The following ABI3BP variants were observed in gnomAD, a reference collection of about 807,000 sequenced individuals.
ABI3BP encodes target of Nesh-SH3.
ABI3BP carries 216 observed loss-of-function variants against 268.6 expected under a neutral mutation model. That is an observed-to-expected ratio of 0.80 (90% CI 0.72 to 0.90). ABI3BP has a LOEUF of 0.90. Ranked by LOEUF, ABI3BP falls within the 40% of genes least tolerant of loss-of-function variation. The probability of loss-of-function intolerance (pLI) is 0.00; values close to 1 mark genes in which losing one functional copy is unlikely to be tolerated. For synonymous variants in ABI3BP, 730 were observed against 730.0 expected, an observed-to-expected ratio of 1.00 and a Z score of 0.00; for missense variants, 2,090 against 2,182.4, an observed-to-expected ratio of 0.96 and a Z score of 0.84.
rs149768230 is a variant in ABI3BP, at chr3:100,761,343, C to G, written c.4850+4498G>C. Among the ~76,000 whole-genome samples, 1,152 of 152,258 alleles carry G rather than the reference C, an allele frequency of 7.6e-3. 7 individuals are homozygous for G. Among genetic ancestry groups the G allele is most frequent in the Non-Finnish European group, 0.013 (873 of 68,024 alleles). On this transcript the variant is annotated intron_variant, in intron 63 of 67. Transcript: ENST00000471714. ...TGACTAAAACAATCACATCTCCCCA[C>G]AAATGACACCCCCTTCCCTGTGCAC... is the stretch of plus-strand genomic sequence containing the variant.
rs754037220 is a variant in ABI3BP at position 100,847,688 on chromosome 3, G to GA, written c.1577-16dup. ...TGTGGTTCTTTCTGGTGATGGAAAG[G>GA]AAAAAAATATTGAAATATCCTAGAG... On this transcript the variant is annotated splice_polypyrimidine_tract_variant and intron_variant, in intron 18 of 67. Coordinates refer to ENST00000471714, the MANE Select transcript of ABI3BP (RefSeq NM_001375547.2). The GA allele has an allele frequency of 9.5e-5, 153 of 1,603,948 alleles. 1 individual carries two copies. The South Asian group carries it at 1.5e-3, about 16-fold the overall frequency.
chr3:100,898,639 T>G, intron 4 of ABI3BP, 123 bp downstream of exon 4: 2 of 1,123,156 alleles, frequency 1.8e-6, no homozygotes, highest in Non-Finnish European at 2.4e-6. Flanking sequence ...CCTGACTTTG[T>G]TCCCCTCACA....
intron 2 of ABI3BP, among the ~76,000 whole-genome samples, chr3:100,908,237 T>C (rs1029247723): frequency 1.3e-5 from 2 of 152,124 alleles, no homozygotes; most frequent in African/African-American, 4.8e-5. Flanking sequence ...TCTTATAAAA[T>C]ATATCTTAAA....
intron 63 of ABI3BP, among the ~76,000 whole-genome samples, chr3:100,759,208 G>A (rs1374882361): frequency 2.6e-5 from 4 of 152,088 alleles, no homozygotes; most frequent in Admixed American, 2.0e-4. Context: ...CCCTAGTGTA[G>A]TCGTGAAATA....
At chr3:100,907,637 A>G (rs1350315884) in intron 2 of ABI3BP, among the ~76,000 whole-genome samples, 4 of 152,232 alleles carry the variant, frequency 2.6e-5, no homozygotes, top group Admixed American at 6.5e-5. Context: ...AAAAATCTTT[A>G]CAGCAAGCAT....
At chr3:100,966,897 C>T (rs1302138185) in intron 1 of ABI3BP, among the ~76,000 whole-genome samples, 1 of 151,628 alleles carries the variant, frequency 6.6e-6, no homozygotes, top group Non-Finnish European at 1.5e-5. Flanking sequence ...AACTTCACCA[C>T]GTTATGTGTG....
chr3:100,871,875 TG>T, intron 9 of ABI3BP, among the ~76,000 whole-genome samples: 1 of 152,226 alleles, frequency 6.6e-6, no homozygotes, highest in East Asian at 1.9e-4. Flanking sequence ...CTTGCTCTGT[TG>T]CCCAGGCTGT....
intron 2 of ABI3BP, among the ~76,000 whole-genome samples, chr3:100,921,774 A>G (rs1054535352): frequency 1.8e-4 from 27 of 152,226 alleles, no homozygotes; most frequent in African/African-American, 6.3e-4. Context: ...ATCTCTGTCA[A>G]TACTTAATAA....
chr3:100,787,038 G>A (rs1033081585), intron 57 of ABI3BP, among the ~76,000 whole-genome samples: 1 of 151,956 alleles, frequency 6.6e-6, no homozygotes, highest in Non-Finnish European at 1.5e-5. Flanking sequence ...AAACACAAGA[G>A]TTATACTACT....
intron 2 of ABI3BP, among the ~76,000 whole-genome samples, chr3:100,919,735 C>G (rs949482201): frequency 6.6e-6 from 1 of 152,120 alleles, no homozygotes; most frequent in Non-Finnish European, 1.5e-5. Context: ...TTTAGTAGGA[C>G]AGGTCAAAAT....
rs2073706640 is a variant in ABI3BP, at chr3:100,948,861, A to G, written c.80-22380T>C. ...AACATTCAAAATCCAAAATGCTCTA[A>G]TGAGCATTTCCTTTGAGCATTTGGG... On this transcript the variant is annotated intron_variant, in intron 1 of 67. Coordinates refer to ENST00000471714, the MANE Select transcript of ABI3BP (RefSeq NM_001375547.2). Among the ~76,000 whole-genome samples, 4 of 152,202 alleles carry G rather than the reference A, an allele frequency of 2.6e-5. No homozygotes were observed. In the South Asian group the frequency reaches 6.2e-4, roughly 24 times the overall value.
At position 100,795,013 on chromosome 3, in the gene ABI3BP, G is replaced by C; in HGVS notation, c.3866-10C>G. 3 of 1,461,648 alleles carry C rather than the reference G, an allele frequency of 2.1e-6. No homozygotes were observed. Among genetic ancestry groups the C allele is most frequent in the Non-Finnish European group, 2.7e-6 (3 of 1,108,076 alleles). The allele number at this position is 1,461,648 out of a possible 1,614,324, so 90.5% of individuals were successfully genotyped here. ...CGTGTCTCTAGAGGAGCTGCAAAAA[G>C]AAAAGGACCAAGGTTGTAAATTTTT... On this transcript the variant is annotated splice_polypyrimidine_tract_variant and intron_variant, in intron 53 of 67. Coordinates refer to ENST00000471714, the MANE Select transcript of ABI3BP (RefSeq NM_001375547.2).
chr3:100,790,508 A>T (rs1340117340), intron 55 of ABI3BP, among the ~76,000 whole-genome samples: 1 of 152,060 alleles, frequency 6.6e-6, no homozygotes, highest in African/African-American at 2.4e-5. Flanking sequence ...TTAAAAAAGT[A>T]TGCCTGTGAA....
chr3:100,959,009 G>A (rs1340766991), intron 1 of ABI3BP, among the ~76,000 whole-genome samples: 2 of 152,134 alleles, frequency 1.3e-5, no homozygotes, highest in African/African-American at 4.8e-5. Flanking sequence ...TAACCCCACG[G>A]GGGAAGAACA....
At chr3:100,922,985 T>C (rs1372560680) in intron 2 of ABI3BP, among the ~76,000 whole-genome samples, 1 of 152,028 alleles carries the variant, frequency 6.6e-6, no homozygotes, top group Non-Finnish European at 1.5e-5. Flanking sequence ...TTTGAAGTAA[T>C]AAAAGCAGAA....
intron 2 of ABI3BP, among the ~76,000 whole-genome samples, chr3:100,924,871 C>T (rs150720116): frequency 6.6e-6 from 1 of 151,984 alleles, no homozygotes; most frequent in Non-Finnish European, 1.5e-5. Context: ...AACAAAAAAA[C>T]TATCATAATA....
intron 7 of ABI3BP, 107 bp downstream of exon 7, chr3:100,876,405 A>C: frequency 9.3e-7 from 1 of 1,079,334 alleles, no homozygotes; most frequent in Non-Finnish European, 1.3e-6. Flanking sequence ...TTTTTCTCAA[A>C]AAAAAAATCA....
intron 45 of ABI3BP, 101 bp downstream of exon 45, chr3:100,813,559 TA>T: frequency 1.1e-6 from 1 of 880,568 alleles, no homozygotes; most frequent in African/African-American, 1.7e-5. Context: ...TATTAATGTA[TA>T]TTCCTTTTTC....
chr3:100,813,861 A>C, intron 44 of ABI3BP, 126 bp from the exon 45 acceptor site: 1 of 756,248 alleles, frequency 1.3e-6, no homozygotes, highest in Non-Finnish European at 2.1e-6. Flanking sequence ...AGAGCCATAC[A>C]GAATGTGCCC....
Sources: allele counts gnomAD v4.1 joint callset (sites outside exome capture counted in the v4.1 genomes callset), GRCh38; gene constraint gnomAD v4.1.1; transcripts MANE v1.5; gene names NCBI Gene and HGNC (gene_info 2026-07-23, HGNC 2026-07-21).